PLA2G6: variants seen among roughly 807,000 people sequenced by gnomAD.
PLA2G6 encodes the protein 85/88 kDa calcium-independent phospholipase A2.
PLA2G6 carries 62 observed loss-of-function variants against 83.8 expected under a neutral mutation model. The ratio of observed to expected loss-of-function variants is 0.74; its 90% confidence interval spans 0.60 to 0.91. The LOEUF (loss-of-function observed/expected upper bound fraction) is 0.91. PLA2G6 is among the 40% of genes least tolerant of loss of function. PLA2G6 has a pLI of 0.00. For missense variants in PLA2G6, 944 were observed against 1,102.0 expected, an observed-to-expected ratio of 0.86 and a Z score of 2.03; for synonymous variants, 417 against 449.8, an observed-to-expected ratio of 0.93 and a Z score of 0.92.
rs1234777706 is a variant in PLA2G6, at chr22:38,123,979, G to A, written c.1428-721C>T. ...ACCTCCCGAGTAGCTGGGATCACAG[G>A]TGCCCGCCACCACACCCAGCTAATT... On this transcript the variant is annotated intron_variant, in intron 10 of 16. Coordinates refer to ENST00000332509, the MANE Select transcript of PLA2G6 (RefSeq NM_003560.4). The surrounding 1 kb of genome is among the most constrained non-coding windows in gnomAD (Gnocchi z 4.1). Among the ~76,000 whole-genome samples the A allele has an allele frequency of 2.0e-5, 3 of 152,070 alleles. No individual in the cohort carries two copies. The highest frequency in any genetic ancestry group is 1.3e-4 in the Admixed American group (2 of 15,260).
intron 2 of PLA2G6, chr22:38,150,367 T>A (rs2089503939): frequency 6.6e-6 from 1 of 152,242 alleles, no homozygotes. Flanking sequence ...TGACGACTCT[T>A]GGTCCTGGGC....
chr22:38,164,123 CAGA>C (rs970786385), intron 2 of PLA2G6, among the ~76,000 whole-genome samples: 53 of 152,262 alleles, frequency 3.5e-4, no homozygotes, highest in Admixed American at 6.5e-4. Flanking sequence ...GTACCAGGAA[CAGA>C]AGTATCTATG....
intron 1 of PLA2G6, among the ~76,000 whole-genome samples, chr22:38,175,691 T>C (rs145924540): frequency 1.3e-5 from 2 of 152,302 alleles, no homozygotes; most frequent in African/African-American, 4.8e-5. Flanking sequence ...ACCTCCGCCC[T>C]GCAGCCTGGT....
At chr22:38,114,446 A>G (rs1168552423) in intron 14 of PLA2G6, among the ~76,000 whole-genome samples, 2 of 152,030 alleles carry the variant, frequency 1.3e-5, no homozygotes, top group African/African-American at 4.8e-5. Context: ...CGGCCTCCCA[A>G]AGTGCTGGGA....
rs115498152 is a variant in PLA2G6 at position 38,163,753 on chromosome 22, T to C, written c.209+5465A>G. The C allele has an allele frequency of 4.2e-3, 710 of 168,448 alleles. 8 individuals carry two copies. The highest frequency in any genetic ancestry group is 0.016 in the African/African-American group (674 of 41,628). The allele number at this position is 168,448 out of a possible 1,614,324, so 10.4% of individuals were successfully genotyped here. A position where few individuals can be genotyped will look rare whatever the true frequency, so the allele number is the denominator to read the frequency against. ...AGGCCCCACTCTAAAGTTATCTCAC[T>C]GAAGGCTGGGTACAGAGCCTCCTTT... On this transcript the variant is annotated intron_variant, in intron 2 of 16. Coordinates refer to ENST00000332509, the MANE Select transcript of PLA2G6 (RefSeq NM_003560.4).
intron 11 of PLA2G6, 82 bp from the exon 12 acceptor site, chr22:38,120,991 C>T (rs767273844): frequency 5.1e-5 from 78 of 1,533,664 alleles, no homozygotes; most frequent in Non-Finnish European, 6.1e-5. Flanking sequence ...AGCGCCTGAA[C>T]GCAGGAGGTG....
intron 5 of PLA2G6, chr22:38,138,034 C>T (rs1395780797): frequency 6.6e-6 from 1 of 152,230 alleles, no homozygotes; most frequent in African/African-American, 2.4e-5. Context: ...CAAAGATCCT[C>T]TTATGTGATG....
chr22:38,124,300 C>T (rs2087704536), intron 10 of PLA2G6, among the ~76,000 whole-genome samples: 1 of 152,166 alleles, frequency 6.6e-6, no homozygotes, highest in Non-Finnish European at 1.5e-5. Context: ...ACTCTCTGTG[C>T]ATATTTTTGA....
intron 14 of PLA2G6, among the ~76,000 whole-genome samples, chr22:38,114,181 CT>C (rs892300892): frequency 3.3e-3 from 455 of 137,554 alleles, no homozygotes; most frequent in African/African-American, 8.3e-3. Context: ...TGGGTGCTGC[CT>C]TTTTTTTTTT....
intron 2 of PLA2G6, chr22:38,145,988 C>A (rs1452706535): frequency 2.9e-6 from 1 of 348,452 alleles, no homozygotes; most frequent in Non-Finnish European, 5.6e-6. Flanking sequence ...ATCCTCCTAC[C>A]TTAGTTCCTG....
At chr22:38,146,782 CTT>C (rs132937) in intron 2 of PLA2G6, 8 of 133,108 alleles carry the variant, frequency 6.0e-5, no homozygotes, top group East Asian at 2.1e-4. Flanking sequence ...CTTTTCTTTT[CTT>C]TTTTTTTTTT....
At chr22:38,177,766 A>T (rs2090694581) in intron 1 of PLA2G6, among the ~76,000 whole-genome samples, 1 of 152,002 alleles carries the variant, frequency 6.6e-6, no homozygotes, top group Non-Finnish European at 1.5e-5. Context: ...GCCCGGCCGA[A>T]TTGCCACATT....
chr22:38,171,487 A>C (rs2090437490), intron 1 of PLA2G6, among the ~76,000 whole-genome samples: 1 of 152,004 alleles, frequency 6.6e-6, no homozygotes, highest in Non-Finnish European at 1.5e-5. Context: ...CTAGGACTAC[A>C]GGTGTGTATC....
chr22:38,150,299 ATT>A (rs1410543877), intron 2 of PLA2G6: 1 of 152,092 alleles, frequency 6.6e-6, no homozygotes, highest in Non-Finnish European at 1.5e-5. Context: ...GGAAGTTTCT[ATT>A]TCTCTTCTCT....
chr22:38,126,662 A>C, intron 9 of PLA2G6: 1 of 583,972 alleles, frequency 1.7e-6, no homozygotes, highest in Middle Eastern at 4.7e-4. Flanking sequence ...GCTGGAGTGG[A>C]AAGGGGGGCC....
At position 38,115,594 on chromosome 22, in the gene PLA2G6, A is replaced by G; in HGVS notation, c.1967T>C (p.Leu656Pro). 6.2e-7 allele frequency: 1 copy of G among 1,613,352 alleles called. No individual in the cohort carries two copies. ...PNGRFLDGGLLANNPTLDAMT... is the reference protein window; with the variant it reads ...PNGRFLDGGLPANNPTLDAMT... ...GGCATCCAGCGTGGGGTTGTTGGCC[A>G]GCAGCCCACCGTCCAGGAAGCGCCC... The change falls in exon 14 of 17, where the codon CTG becomes CCG. Residue 656 changes from leucine to proline, a missense_variant. Physicochemically the swap from Leu to Pro is moderately conservative, Grantham distance 98 (BLOSUM62 -3). Coordinates refer to ENST00000332509, the MANE Select transcript of PLA2G6 (RefSeq NM_003560.4).
chr22:38,162,537 G>A (rs2090059877), intron 2 of PLA2G6, among the ~76,000 whole-genome samples: 3 of 152,204 alleles, frequency 2.0e-5, no homozygotes, highest in Admixed American at 1.3e-4. Context: ...GGCAGAGACT[G>A]GAAAGTGGGG....
At chr22:38,139,205 C>G (rs1014362723) in intron 5 of PLA2G6, 2 of 152,132 alleles carry the variant, frequency 1.3e-5, no homozygotes, top group Non-Finnish European at 2.9e-5. Flanking sequence ...CCAAGGAGCA[C>G]TGAAGCCATC....
chr22:38,175,026 T>C (rs761894455), intron 1 of PLA2G6, among the ~76,000 whole-genome samples: 2 of 152,146 alleles, frequency 1.3e-5, no homozygotes, highest in Non-Finnish European at 2.9e-5. Flanking sequence ...ACGAATTCCC[T>C]GAAGGACCCT....
Sources: allele counts gnomAD v4.1 joint callset (sites outside exome capture counted in the v4.1 genomes callset), GRCh38; gene constraint gnomAD v4.1.1; non-coding constraint Gnocchi (gnomAD v3.1); transcripts MANE v1.5; gene names NCBI Gene and HGNC (gene_info 2026-07-23, HGNC 2026-07-21).